The following OTUD3 variants were observed in gnomAD, a reference collection of about 807,000 sequenced individuals.
The protein encoded by OTUD3 is OTU deubiquitinase 3.
In OTUD3, 24 loss-of-function variants were observed where a neutral mutation model predicts 46.2. The observed-to-expected ratio is 0.52, with a 90% confidence interval of 0.38 to 0.73. OTUD3 has a LOEUF of 0.73. OTUD3 is among the 30% of genes least tolerant of loss of function. The pLI, the probability that OTUD3 is intolerant of heterozygous loss-of-function variation, is 0.00. For missense variants in OTUD3, 455 were observed against 523.3 expected (o/e 0.87, Z 1.27); for synonymous variants, 189 against 195.4 (o/e 0.97, Z 0.27).
chr1:19,892,045 T>A (rs1359748924), intron 2 of OTUD3, among the ~76,000 whole-genome samples: 1 of 152,218 alleles, frequency 6.6e-6, no homozygotes, highest in Non-Finnish European at 1.5e-5. Context: ...CTTTGAACAC[T>A]GTCAGTGAAG....
rs570445025 is a variant in OTUD3, at chr1:19,907,302, G to A, written c.1021-268G>A. Among the ~76,000 whole-genome samples the A allele has an allele frequency of 9.2e-5, 14 of 152,284 alleles. No homozygotes were observed. In the South Asian group the frequency reaches 2.5e-3, roughly 27 times the overall value. On this transcript the variant is annotated intron_variant, in intron 7 of 7. Transcript: ENST00000375120. ...TGTGGGGAAAAATGTTCTCTGACAC[G>A]TTTGTTTGTTACCAACTCTTGCTGG...
chr1:19,906,945 C>T (rs2045669566), intron 7 of OTUD3: 2 of 193,132 alleles, frequency 1.0e-5, no homozygotes, highest in South Asian at 1.3e-4. Flanking sequence ...CTGCAATGAA[C>T]ACCTTTGTGT....
At chr1:19,898,039 C>A (rs1395214326) in intron 4 of OTUD3, among the ~76,000 whole-genome samples, 1 of 151,596 alleles carries the variant, frequency 6.6e-6, no homozygotes, top group Non-Finnish European at 1.5e-5. Context: ...ACCTCCGCCT[C>A]CCGGGTTCAA....
At chr1:19,892,105 G>A (rs977618916) in intron 2 of OTUD3, among the ~76,000 whole-genome samples, 2 of 152,098 alleles carry the variant, frequency 1.3e-5, no homozygotes, top group African/African-American at 2.4e-5. Flanking sequence ...TCAAATCTTC[G>A]GTTGCCAATG....
chr1:19,896,516 C>A (rs1422808921), intron 3 of OTUD3, among the ~76,000 whole-genome samples: 1 of 152,190 alleles, frequency 6.6e-6, no homozygotes, highest in Non-Finnish European at 1.5e-5. Flanking sequence ...AGACTCTCTG[C>A]ACTTGAGATC....
At position 19,897,785 on chromosome 1, in the gene OTUD3, C is replaced by T. The variant is rs115774399; in HGVS notation, c.606+123C>T. The T allele has an allele frequency of 1.5e-3, 1,401 of 934,548 alleles. 17 individuals carry two copies. The African/African-American group carries it at 0.021, about 14-fold the overall frequency. 57.9% of individuals were successfully genotyped at this position (934,548 alleles called of 1,614,324 possible). A position where few individuals can be genotyped will look rare whatever the true frequency, so the allele number is the denominator to read the frequency against. On this transcript the variant is annotated intron_variant, in intron 4 of 7. Transcript: ENST00000375120. The stretch of plus-strand genomic sequence containing the variant: ...AAAGTTGGCATTGAGAATCTGTGGG[C>T]CTGATTTTAAAAATATTTTTTATTT...
intron 1 of OTUD3, among the ~76,000 whole-genome samples, chr1:19,887,490 C>T (rs971223917): frequency 4.6e-5 from 7 of 152,160 alleles, no homozygotes; most frequent in Non-Finnish European, 7.3e-5. Flanking sequence ...TAGTCACATG[C>T]GGTTAGCAAC....
intron 4 of OTUD3, among the ~76,000 whole-genome samples, chr1:19,903,487 T>G (rs1458001974): frequency 1.3e-5 from 2 of 152,228 alleles, no homozygotes; most frequent in Admixed American, 6.5e-5. Flanking sequence ...GTATTAACAT[T>G]CTGAGGAATA....
At chr1:19,894,775 C>G (rs2045494445) in intron 3 of OTUD3, among the ~76,000 whole-genome samples, 2 of 152,224 alleles carry the variant, frequency 1.3e-5, no homozygotes, top group Non-Finnish European at 2.9e-5. Flanking sequence ...CTGTCACCCC[C>G]TAAAGTCAGA....
In OTUD3 at chr1:19,904,417, C is replaced by A; in HGVS notation, c.738+19C>A. On this transcript the variant is annotated intron_variant, in intron 5 of 7. Coordinates refer to ENST00000375120, the MANE Select transcript of OTUD3 (RefSeq NM_015207.2). ...ATGTTCAGTTAGTATTTCTGTCTTG[C>A]AGGAATGATTTAGAAGCAAGCATTG... 1 of 1,600,746 alleles carries A rather than the reference C, an allele frequency of 6.2e-7. No individual in the cohort carries two copies. The highest frequency in any genetic ancestry group is 8.5e-7 in the Non-Finnish European group (1 of 1,174,960).
In OTUD3 at chr1:19,911,251, G is replaced by A. The variant is rs1013509763; in HGVS notation, c.*3505G>A. 2.0e-5 allele frequency: 3 copies of A among 152,212 alleles called. No individual in the cohort carries two copies. Among genetic ancestry groups the A allele is most frequent in the Admixed American group, 1.3e-4 (2 of 15,254 alleles). 9.4% of individuals were successfully genotyped at this position (152,212 alleles called of 1,614,324 possible). ...AAATCTTTAGACTCAGTCTGATGCCGTTTTTCTGTTTTGCCATTCTCATTA... is the reference window on the plus strand; with the variant it reads ...AAATCTTTAGACTCAGTCTGATGCCATTTTTCTGTTTTGCCATTCTCATTA... On this transcript the variant is annotated 3_prime_UTR_variant, in exon 8 of 8. Coordinates refer to ENST00000375120, the MANE Select transcript of OTUD3 (RefSeq NM_015207.2).
At chr1:19,896,979 A>G (rs1180185625) in intron 3 of OTUD3, among the ~76,000 whole-genome samples, 1 of 152,176 alleles carries the variant, frequency 6.6e-6, no homozygotes, top group African/African-American at 2.4e-5. Flanking sequence ...GATGTTTCTC[A>G]TTTAGGTGGT....
At chr1:19,886,928 T>C (rs2045370100) in intron 1 of OTUD3, among the ~76,000 whole-genome samples, 2 of 152,240 alleles carry the variant, frequency 1.3e-5, no homozygotes, top group Admixed American at 6.5e-5. Context: ...GTGAACCACG[T>C]ATGTGATTTA....
chr1:19,884,463 T>C (rs1421077598), intron 1 of OTUD3, among the ~76,000 whole-genome samples: 1 of 152,230 alleles, frequency 6.6e-6, no homozygotes, highest in Non-Finnish European at 1.5e-5. Flanking sequence ...TGTTGATGAC[T>C]AAGATACTTA....
Position 19,912,420 on chromosome 1 carries a change from G to C in OTUD3, c.*4674G>C, listed in dbSNP as rs1194335577. The stretch of plus-strand genomic sequence containing the variant: ...CTTGGCCTCCCCAGTGCCTCTTCCA[G>C]AGCCTCCACCAGCACTAAGCTCAGA... On this transcript the variant is annotated 3_prime_UTR_variant, in exon 8 of 8. Coordinates refer to ENST00000375120, the MANE Select transcript of OTUD3 (RefSeq NM_015207.2). 2.0e-5 allele frequency: 3 copies of C among 152,988 alleles called. No individual in the cohort carries two copies. The highest frequency in any genetic ancestry group is 7.2e-5 in the African/African-American group (3 of 41,460). 9.5% of individuals were successfully genotyped at this position (152,988 alleles called of 1,614,324 possible).
In OTUD3 at chr1:19,882,444, A is replaced by G. The variant is rs774090737; in HGVS notation, c.-70A>G. ...GTTGCCCGCGCTGTTTTACCTTCCCAACGCTTGAGGCGGACGCTGGGGGGT... is the reference window on the plus strand; with the variant it reads ...GTTGCCCGCGCTGTTTTACCTTCCCGACGCTTGAGGCGGACGCTGGGGGGT... On this transcript the variant is annotated 5_prime_UTR_variant, in exon 1 of 8. Transcript: ENST00000375120. The G allele has an allele frequency of 1.1e-5, 14 of 1,315,812 alleles. No individual in the cohort carries two copies. In the African/African-American group the frequency reaches 1.7e-4, roughly 16 times the overall value. 81.5% of individuals were successfully genotyped at this position (1,315,812 alleles called of 1,614,324 possible).
At chr1:19,907,493 G>A in intron 7 of OTUD3, 77 bp from the exon 8 acceptor site, 1 of 1,420,252 alleles carries the variant, frequency 7.0e-7, no homozygotes, top group Non-Finnish European at 9.8e-7. Flanking sequence ...TGTGCCCTTT[G>A]CCACCATCTC....
At position 19,909,869 on chromosome 1, in the gene OTUD3, G is replaced by A. The variant is rs1417555019; in HGVS notation, c.*2123G>A. 6.6e-6 allele frequency: 1 copy of A among 152,284 alleles called. No homozygotes were observed. Among genetic ancestry groups the A allele is most frequent in the African/African-American group, 2.4e-5 (1 of 41,426 alleles). The allele number at this position is 152,284 out of a possible 1,614,324, so 9.4% of individuals were successfully genotyped here. On this transcript the variant is annotated 3_prime_UTR_variant, in exon 8 of 8. Transcript: ENST00000375120. ...CTGGTAATAGGCTTCAGCATTTCTGGAGTATAATAATGGTGGTTTAAAAAA... is the reference window on the plus strand; with the variant it reads ...CTGGTAATAGGCTTCAGCATTTCTGAAGTATAATAATGGTGGTTTAAAAAA...
chr1:19,907,417 G>A (rs1004528545), intron 7 of OTUD3, among the ~76,000 whole-genome samples, 153 bp from the exon 8 acceptor site: 8 of 152,234 alleles, frequency 5.3e-5, no homozygotes, highest in African/African-American at 1.9e-4. Flanking sequence ...AATTTGAGCA[G>A]CAGTGGACAG....
Sources: gnomAD v4.1 joint callset for allele counts (sites outside exome capture counted in the v4.1 genomes callset) on GRCh38, gnomAD v4.1.1 for gene constraint, MANE v1.5 for transcripts, NCBI Gene and HGNC (gene_info 2026-07-23, HGNC 2026-07-21) for gene names.